NEMP1: variants seen among roughly 807,000 people sequenced by gnomAD.
The protein encoded by NEMP1 is transmembrane protein 194.
In NEMP1, 29 loss-of-function variants were observed where a neutral mutation model predicts 53.7. The observed-to-expected ratio is 0.54, with a 90% CI of 0.40 to 0.74. The LOEUF (loss-of-function observed/expected upper bound fraction) is 0.74, where lower values mean the gene tolerates loss of function less well. Ranked by LOEUF, NEMP1 falls within the 30% of genes least tolerant of loss-of-function variation. NEMP1 has a pLI of 0.00. For missense variants in NEMP1, 477 were observed against 528.6 expected, an observed-to-expected ratio of 0.90 and a Z score of 0.96; for synonymous variants, 193 against 192.9, an observed-to-expected ratio of 1.00 and a Z score of 0.00.
chr12:57,082,396 T>G (rs554850284), upstream of NEMP1, among the ~76,000 whole-genome samples: 1 of 152,210 alleles, frequency 6.6e-6, no homozygotes, highest in Non-Finnish European at 1.5e-5. Flanking sequence ...ATCTTTTCAA[T>G]TTTTCTGTAC....
chr12:57,077,819 A>C (rs2032703756), intron 1 of NEMP1, among the ~76,000 whole-genome samples: 3 of 152,190 alleles, frequency 2.0e-5, no homozygotes, highest in African/African-American at 4.8e-5. Flanking sequence ...ACGGTGGCTC[A>C]CACCTGTAAT....
chr12:57,061,262 A>T (rs2031787142), intron 7 of NEMP1, among the ~76,000 whole-genome samples: 1 of 152,210 alleles, frequency 6.6e-6, no homozygotes, highest in Admixed American at 6.5e-5. Flanking sequence ...ATAAAAATAT[A>T]AAAATGCCTA....
rs568108588 is a variant in NEMP1, at chr12:57,072,207, G to A, written c.252+581C>T. On this transcript the variant is annotated intron_variant, in intron 2 of 8. Coordinates refer to ENST00000300128, the MANE Select transcript of NEMP1 (RefSeq NM_001130963.2). ...AATCCCAACACCTTGGGAGGCCAAG[G>A]TGGGCAGATCACCTGAGGGCAGGAG... is the stretch of plus-strand genomic sequence containing the variant. Among the ~76,000 whole-genome samples, 4 of 152,300 alleles carry A rather than the reference G, an allele frequency of 2.6e-5. No homozygotes were observed. The East Asian group carries it at 7.7e-4, about 29-fold the overall frequency.
At chr12:57,084,034 C>T (rs1013364561) in intron 1 of NEMP1, among the ~76,000 whole-genome samples, 3 of 152,104 alleles carry the variant, frequency 2.0e-5, no homozygotes, top group Non-Finnish European at 4.4e-5. Context: ...GCGATCTCGG[C>T]TCACTGCAAC....
intron 1 of NEMP1, among the ~76,000 whole-genome samples, chr12:57,087,446 G>A (rs2033039949): frequency 6.6e-6 from 1 of 151,806 alleles, no homozygotes; most frequent in Non-Finnish European, 1.5e-5. Context: ...ATAACCTGAG[G>A]TGGGGGGGGA....
chr12:57,065,086 GTCA>G (rs1418416472), intron 4 of NEMP1, among the ~76,000 whole-genome samples: 1 of 152,324 alleles, frequency 6.6e-6, no homozygotes, highest in Non-Finnish European at 1.5e-5. Context: ...CCTTCAGTGA[GTCA>G]TCATTTTTTT....
Position 57,061,157 on chromosome 12 carries a change from T to C in NEMP1, c.981-212A>G, listed in dbSNP as rs2031781869. ...TCATAGGCGACAGAGCGAGACTCCA[T>C]CTCAAAAAAAAAGTGATATAATTTG... On this transcript the variant is annotated intron_variant, in intron 7 of 8. Coordinates refer to ENST00000300128, the MANE Select transcript of NEMP1 (RefSeq NM_001130963.2). Among the ~76,000 whole-genome samples, 4 of 151,740 alleles carry C rather than the reference T, an allele frequency of 2.6e-5. No homozygotes were observed. The South Asian group carries it at 8.3e-4, about 31-fold the overall frequency.
chr12:57,075,874 G>A (rs142808146), intron 1 of NEMP1, among the ~76,000 whole-genome samples: 2,449 of 147,594 alleles, frequency 0.017, 81 homozygotes, highest in African/African-American at 0.058. Context: ...AGGCTGAGGC[G>A]GGCAGATCAC....
intron 4 of NEMP1, among the ~76,000 whole-genome samples, chr12:57,066,522 C>T (rs1477271224): frequency 6.6e-6 from 1 of 152,196 alleles, no homozygotes; most frequent in African/African-American, 2.4e-5. Flanking sequence ...ATGACTCTTC[C>T]TTTCAGTTGA....
chr12:57,066,544 C>A (rs947073943), intron 4 of NEMP1, among the ~76,000 whole-genome samples: 14 of 152,212 alleles, frequency 9.2e-5, no homozygotes, highest in Non-Finnish European at 2.1e-4. Context: ...GACTCACAAT[C>A]TACTCTAGGG....
chr12:57,075,045 C>T (rs908224105), intron 1 of NEMP1, among the ~76,000 whole-genome samples: 6 of 151,374 alleles, frequency 4.0e-5, no homozygotes, highest in African/African-American at 7.3e-5. Flanking sequence ...GCCGAGATCG[C>T]GCCTCTGCAC....
In NEMP1 at chr12:57,078,658, G is replaced by A. The variant is rs755370599; in HGVS notation, c.88C>T (p.Leu30=). Residue 30 remains leucine, a synonymous_variant, in exon 1 of 9, where the codon CTA becomes TTA. Coordinates refer to ENST00000300128, the MANE Select transcript of NEMP1 (RefSeq NM_001130963.2). ...SGVGGGGTVR[L]LLILSGCLVY... is the part of the protein sequence containing the mutation. ...AAGCAGCCGGAGAGGATCAAGAGTAGCCGCACTGTCCCACCGCCCCCGACT... is the reference window on the plus strand; with the variant it reads ...AAGCAGCCGGAGAGGATCAAGAGTAACCGCACTGTCCCACCGCCCCCGACT... The A allele has an allele frequency of 5.0e-6, 8 of 1,613,250 alleles. No homozygotes were observed. Among genetic ancestry groups the A allele is most frequent in the African/African-American group, 1.3e-5 (1 of 74,896 alleles).
rs2032025223 is a variant in NEMP1 at position 57,065,475 on chromosome 12, T to C, written c.546-736A>G. ...ACTTTCAACAATGATGTTAGCTAGA[T>C]CTTCTGAATAACTTGCTACAGCTTC... On this transcript the variant is annotated intron_variant, in intron 4 of 8. Transcript: ENST00000300128. 2.0e-5 allele frequency among the ~76,000 whole-genome samples: 3 copies of C among 152,172 alleles called. No individual in the cohort carries two copies. In the South Asian group the frequency reaches 6.2e-4, roughly 32 times the overall value.
chr12:57,069,377 C>A (rs1485239949), intron 3 of NEMP1, 71 bp from the exon 4 acceptor site: 2 of 996,260 alleles, frequency 2.0e-6, no homozygotes, highest in South Asian at 1.7e-5. Flanking sequence ...TAAAAGACAA[C>A]GTTGGCACTA....
chr12:57,058,937 A>C lies in NEMP1; in HGVS notation c.*942T>G, dbSNP rs2031660898. The C allele has an allele frequency of 6.6e-6, 1 of 152,232 alleles. No homozygotes were observed. The highest frequency in any genetic ancestry group is 2.4e-5 in the African/African-American group (1 of 41,450). The allele number at this position is 152,232 out of a possible 1,614,324, so 9.4% of individuals were successfully genotyped here. ...ACAGGAAAATGGAGAACGTATAAAAAGCATCCAAATCCCCTAAACAAGATG... is the reference window on the plus strand; with the variant it reads ...ACAGGAAAATGGAGAACGTATAAAACGCATCCAAATCCCCTAAACAAGATG... On this transcript the variant is annotated 3_prime_UTR_variant, in exon 9 of 9. Transcript: ENST00000300128.
intron 1 of NEMP1, among the ~76,000 whole-genome samples, chr12:57,076,195 C>T (rs1290912204): frequency 1.3e-5 from 2 of 152,058 alleles, no homozygotes; most frequent in South Asian, 2.1e-4. Context: ...CAGTACAAAC[C>T]ACCAATATCC....
At chr12:57,066,262 C>A (rs928407753) in intron 4 of NEMP1, among the ~76,000 whole-genome samples, 3 of 151,994 alleles carry the variant, frequency 2.0e-5, no homozygotes, top group Non-Finnish European at 4.4e-5. Context: ...CTCAAAAAAA[C>A]AAACAAACAA....
chr12:57,056,195 T>C lies in NEMP1; in HGVS notation c.*3684A>G, dbSNP rs563248089. 1 of 152,356 alleles carries C rather than the reference T, an allele frequency of 6.6e-6. No homozygotes were observed. The highest frequency in any genetic ancestry group is 1.5e-5 in the Non-Finnish European group (1 of 68,044). The allele number at this position is 152,356 out of a possible 1,614,324, so 9.4% of individuals were successfully genotyped here. A position where few individuals can be genotyped will look rare whatever the true frequency, so the allele number is the denominator to read the frequency against. On this transcript the variant is annotated 3_prime_UTR_variant, in exon 9 of 9. Transcript: ENST00000300128. ...TGCTTTGTTTATTCCCAGCAGGCTC[T>C]GGCTCGTGTCACATAAGGCACCAAC...
chr12:57,082,017 G>A (rs2032861980), upstream of NEMP1, among the ~76,000 whole-genome samples: 2 of 152,022 alleles, frequency 1.3e-5, no homozygotes, highest in African/African-American at 4.8e-5. Flanking sequence ...AGGAGTTCAA[G>A]ACCAGCCTGG....
Sources: allele counts gnomAD v4.1 joint callset (sites outside exome capture counted in the v4.1 genomes callset), GRCh38; gene constraint gnomAD v4.1.1; transcripts MANE v1.5; gene names NCBI Gene and HGNC (gene_info 2026-07-23, HGNC 2026-07-21).